Variants in ASH1L observed in about 807,000 individuals in gnomAD.
The protein encoded by ASH1L is ASH1 like histone lysine methyltransferase, also known as histone-lysine N-methyltransferase ASH1L.
Under a neutral mutation model 269.0 loss-of-function variants are expected in ASH1L, and 23 were observed. The ratio of observed to expected loss-of-function variants is 0.09; its 90% CI spans 0.06 to 0.12. The LOEUF (loss-of-function observed/expected upper bound fraction) is 0.12. ASH1L is among the 10% of genes least tolerant of loss of function. The pLI is 1.00. For missense variants in ASH1L, 2,912 were observed against 3,567.8 expected, an observed-to-expected ratio of 0.82 and a Z score of 4.68; for synonymous variants, 1,187 against 1,253.5, an observed-to-expected ratio of 0.95 and a Z score of 1.12.
intron 12 of ASH1L, among the ~76,000 whole-genome samples, chr1:155,361,433 C>A (rs1654928494): frequency 7.1e-6 from 1 of 140,278 alleles, no homozygotes; most frequent in Non-Finnish European, 1.5e-5. Context: ...AGGAGAATAG[C>A]TTGAACCTGG....
In ASH1L at chr1:155,482,228, A is replaced by G. The variant is rs1225515137; in HGVS notation, c.642T>C (p.Thr214=). Residue 214 remains threonine (T), a synonymous_variant, in exon 3 of 28, where the codon ACT becomes ACC. Coordinates refer to ENST00000392403, the MANE Select transcript of ASH1L (RefSeq NM_018489.3). Reference sequence around the variant, plus strand: ...GCTGTGCCAACTTTTCTGTTACACTAGTTCCTCCATTAAGTAATGCTCTGT... The same window carrying G: ...GCTGTGCCAACTTTTCTGTTACACTGGTTCCTCCATTAAGTAATGCTCTGT... ...LKDRALLNGG[T]SVTEKLAQLI... The G allele has an allele frequency of 2.5e-6, 4 of 1,614,210 alleles. No individual in the cohort carries two copies. Among genetic ancestry groups the G allele is most frequent in the Admixed American group, 1.7e-5 (1 of 60,018 alleles).
rs1665315802 is a variant in ASH1L at position 155,473,847 on chromosome 1, T to A, written c.4984+4039A>T. 2.0e-5 allele frequency among the ~76,000 whole-genome samples: 3 copies of A among 151,806 alleles called. No individual in the cohort carries two copies. In the South Asian group the frequency reaches 6.2e-4, roughly 32 times the overall value. ...GTCTTAACAATATATATACATATATTTTTTTTGAGACAGACTCTCACACTG... is the reference window on the plus strand; with the variant it reads ...GTCTTAACAATATATATACATATATATTTTTTGAGACAGACTCTCACACTG... On this transcript the variant is annotated intron_variant, in intron 3 of 27. Transcript: ENST00000392403.
Position 155,485,108 on chromosome 1 carries a change from T to A in ASH1L, c.421-2659A>T, listed in dbSNP as rs187252639. ...CATCTCTGGTAAAAATACAAAAAAT[T>A]AGCTGGGCATGGTGGCGCATGCCTG... On this transcript the variant is annotated intron_variant, in intron 2 of 27. Coordinates refer to ENST00000392403, the MANE Select transcript of ASH1L (RefSeq NM_018489.3). 6.7e-5 allele frequency among the ~76,000 whole-genome samples: 10 copies of A among 149,946 alleles called. No individual in the cohort carries two copies. The East Asian group carries it at 2.0e-3, about 30-fold the overall frequency.
chr1:155,376,962 C>G (rs184306999), intron 10 of ASH1L, among the ~76,000 whole-genome samples: 3 of 151,538 alleles, frequency 2.0e-5, no homozygotes, highest in East Asian at 3.9e-4. Flanking sequence ...GGCTGGAGTG[C>G]AATGGCAGGA....
intron 5 of ASH1L, among the ~76,000 whole-genome samples, chr1:155,436,102 T>C (rs1297809724): frequency 1.3e-5 from 2 of 152,206 alleles, no homozygotes; most frequent in Non-Finnish European, 2.9e-5. Flanking sequence ...GGCTTTGTTA[T>C]TACATCTAAG....
intron 6 of ASH1L, among the ~76,000 whole-genome samples, chr1:155,410,396 G>A (rs564117432): frequency 1.1e-4 from 16 of 152,056 alleles, no homozygotes; most frequent in African/African-American, 1.7e-4. Flanking sequence ...CTCTGCCTCC[G>A]GAGGTCAAAG....
intron 1 of ASH1L, among the ~76,000 whole-genome samples, chr1:155,530,722 C>A (rs1669616902): frequency 6.9e-6 from 1 of 144,840 alleles, no homozygotes; most frequent in Non-Finnish European, 1.5e-5. Flanking sequence ...GGTGACAGAC[C>A]AAGACTCTGT....
At chr1:155,397,777 G>A (rs1455047178) in intron 6 of ASH1L, among the ~76,000 whole-genome samples, 3 of 152,078 alleles carry the variant, frequency 2.0e-5, no homozygotes, top group Non-Finnish European at 4.4e-5. Flanking sequence ...GGCCAGGCTG[G>A]TCTTGAACTC....
intron 7 of ASH1L, among the ~76,000 whole-genome samples, chr1:155,383,159 A>C (rs1252238738): frequency 6.6e-6 from 1 of 152,258 alleles, no homozygotes; most frequent in African/African-American, 2.4e-5. Context: ...AGTTATTATG[A>C]GTCAAAGTGT....
At chr1:155,465,307 A>C (rs1049141633) in intron 3 of ASH1L, among the ~76,000 whole-genome samples, 2 of 151,628 alleles carry the variant, frequency 1.3e-5, no homozygotes, top group Non-Finnish European at 2.9e-5. Flanking sequence ...AAAAAAAAAA[A>C]AAAAACAGTG....
chr1:155,468,277 T>C (rs1318536098), intron 3 of ASH1L, among the ~76,000 whole-genome samples: 1 of 151,548 alleles, frequency 6.6e-6, no homozygotes, highest in Non-Finnish European at 1.5e-5. Context: ...AGAGAGTACA[T>C]GATATCACCA....
chr1:155,365,372 A>ATTTTTTTT (rs142145021), intron 12 of ASH1L, among the ~76,000 whole-genome samples: 30 of 124,228 alleles, frequency 2.4e-4, no homozygotes, highest in African/African-American at 4.2e-4. Flanking sequence ...TGCCCGGCTG[A>ATTTTTTTT]TTTTTTTTTT....
intron 5 of ASH1L, among the ~76,000 whole-genome samples, chr1:155,423,105 T>C (rs1660845949): frequency 6.6e-6 from 1 of 151,686 alleles, no homozygotes; most frequent in African/African-American, 2.4e-5. Flanking sequence ...CCTACCACCA[T>C]GCCCAGCTAA....
intron 1 of ASH1L, among the ~76,000 whole-genome samples, chr1:155,545,045 G>C (rs1418799912): frequency 6.6e-6 from 1 of 151,400 alleles, no homozygotes; most frequent in African/African-American, 2.4e-5. Context: ...GGTGGTACAT[G>C]CCTGTAATCC....
intron 2 of ASH1L, among the ~76,000 whole-genome samples, chr1:155,498,864 C>T (rs540790177): frequency 4.0e-5 from 6 of 149,448 alleles, no homozygotes; most frequent in Admixed American, 6.7e-5. Flanking sequence ...GAAAAGTACG[C>T]TTCAGTTTGT....
chr1:155,356,551 T>C (rs1194490461), intron 15 of ASH1L, among the ~76,000 whole-genome samples: 1 of 148,254 alleles, frequency 6.7e-6, no homozygotes, highest in Non-Finnish European at 1.5e-5. Context: ...AGGAGAATGG[T>C]GTGAACCCAG....
rs554639275 is a variant in ASH1L, at chr1:155,480,497, A to C, written c.2373T>G (p.Ala791=). The C allele has an allele frequency of 8.1e-6, 13 of 1,614,126 alleles. No homozygotes were observed. The highest frequency in any genetic ancestry group is 1.0e-5 in the Non-Finnish European group (12 of 1,179,970). The change falls in exon 3 of 28, where the codon GCT becomes GCG. Residue 791 remains alanine, a synonymous_variant. Coordinates refer to ENST00000392403, the MANE Select transcript of ASH1L (RefSeq NM_018489.3). ...ATGGTTTTTCACTATCAGCTAAGAG[A>C]GCAAGAGATGGAGCTGTGGATTTGC... ...KLSKSTAPSL[A]LLADSEKPSH...
At chr1:155,505,205 T>C (rs1442290967) in intron 2 of ASH1L, among the ~76,000 whole-genome samples, 1 of 152,210 alleles carries the variant, frequency 6.6e-6, no homozygotes, top group Non-Finnish European at 1.5e-5. Context: ...CTGTGAGACA[T>C]CCTAAGTGTG....
intron 12 of ASH1L, among the ~76,000 whole-genome samples, chr1:155,368,463 CTT>C (rs200263572): frequency 4.1e-5 from 6 of 145,266 alleles, no homozygotes; most frequent in Non-Finnish European, 7.6e-5. Context: ...TTTCTTTCTT[CTT>C]TTTTTTTTTT....
Sources: gnomAD v4.1 joint callset for allele counts (sites outside exome capture counted in the v4.1 genomes callset) on GRCh38, gnomAD v4.1.1 for gene constraint, MANE v1.5 for transcripts, NCBI Gene and HGNC (gene_info 2026-07-23, HGNC 2026-07-21) for gene names.